The following MFSD1 variants were observed in gnomAD, a reference collection of about 807,000 sequenced individuals.
MFSD1 encodes lysosomal dipeptide transporter MFSD1.
A neutral mutation model predicts 67.1 loss-of-function variants in MFSD1; 59 were observed. The observed-to-expected ratio is 0.88, with a 90% CI of 0.71 to 1.09. The LOEUF is 1.09. MFSD1 is among the 50% of genes least tolerant of loss of function. MFSD1 has a pLI of 0.00. For synonymous variants in MFSD1, 213 were observed against 200.3 expected, an observed-to-expected ratio of 1.06 and a Z score of -0.54; for missense variants, 552 against 566.1, an observed-to-expected ratio of 0.97 and a Z score of 0.25.
chr3:158,826,587 T>C (rs1351025078), intron 14 of MFSD1, among the ~76,000 whole-genome samples: 1 of 151,894 alleles, frequency 6.6e-6, no homozygotes, highest in Non-Finnish European at 1.5e-5. Context: ...AAGAGTTTTA[T>C]ATATTTAGTA....
intron 15 of MFSD1, among the ~76,000 whole-genome samples, chr3:158,828,515 A>G (rs566342995): frequency 6.7e-4 from 102 of 152,214 alleles, no homozygotes; most frequent in Admixed American, 1.1e-3. Flanking sequence ...TAGAGTAGGG[A>G]AAATGGTTAA....
chr3:158,806,695 C>T (rs1292437380), intron 3 of MFSD1, among the ~76,000 whole-genome samples: 1 of 152,156 alleles, frequency 6.6e-6, no homozygotes, highest in Non-Finnish European at 1.5e-5. Context: ...GAAGAATTTA[C>T]ATTTTTAAGT....
chr3:158,820,173 A>G (rs1730599525), intron 8 of MFSD1, 42 bp from the exon 9 acceptor site: 3 of 1,077,388 alleles, frequency 2.8e-6, no homozygotes, highest in Non-Finnish European at 2.9e-6. Flanking sequence ...CTCCTTAGGT[A>G]TGCAAAATTA....
At chr3:158,825,002 G>T (rs1485115701) in intron 13 of MFSD1, among the ~76,000 whole-genome samples, 1 of 152,000 alleles carries the variant, frequency 6.6e-6, no homozygotes, top group Non-Finnish European at 1.5e-5. Flanking sequence ...TAAAAAAGTG[G>T]GTCATATAAG....
chr3:158,807,487 A>T, intron 5 of MFSD1, 24 bp downstream of exon 5: 1 of 1,530,302 alleles, frequency 6.5e-7, no homozygotes, highest in Non-Finnish European at 9.0e-7. Flanking sequence ...AATTTAATTT[A>T]TCCTAATGTA....
intron 7 of MFSD1, among the ~76,000 whole-genome samples, chr3:158,818,208 C>T (rs551166233): frequency 8.5e-5 from 13 of 152,162 alleles, no homozygotes; most frequent in African/African-American, 2.9e-4. Context: ...TCTTTTATTC[C>T]CTTTTTCCCT....
At chr3:158,821,939 G>A in intron 10 of MFSD1, 45 bp from the exon 11 acceptor site, 1 of 1,577,588 alleles carries the variant, frequency 6.3e-7, no homozygotes, top group Non-Finnish European at 8.7e-7. Flanking sequence ...ACTGATGTTT[G>A]ACTGTGTTGC....
intron 13 of MFSD1, chr3:158,825,270 C>CA (rs1389189190): frequency 6.6e-6 from 1 of 152,102 alleles, no homozygotes; most frequent in Non-Finnish European, 1.5e-5. Context: ...GTGATCCTCC[C>CA]ACCTCAGCCT....
intron 15 of MFSD1, among the ~76,000 whole-genome samples, chr3:158,827,918 GA>G (rs1731078170): frequency 2.5e-5 from 2 of 78,718 alleles, no homozygotes; most frequent in African/African-American, 1.5e-4. Context: ...GAGAGGGGGA[GA>G]GAGAGAGAGA....
Position 158,827,293 on chromosome 3 carries a change from T to C in MFSD1, c.1350T>C (p.Asn450=). ...TTTGTGTTTTAGGTGGGAACCTAAA[T>C]TATTCTGCAAGACAAAGGGAAGAAA... ...LVNRAQGGNL[N]YSARQREEIK... Residue 450 remains asparagine, a synonymous_variant, in exon 15 of 16, where the codon AAT becomes AAC. Transcript: ENST00000415822. 1.3e-6 allele frequency: 2 copies of C among 1,555,028 alleles called. No homozygotes were observed. The highest frequency in any genetic ancestry group is 4.1e-5 in the Admixed American group (2 of 48,210).
intron 7 of MFSD1, among the ~76,000 whole-genome samples, chr3:158,816,704 T>G (rs1730369418): frequency 2.6e-5 from 4 of 151,656 alleles, no homozygotes; most frequent in African/African-American, 9.7e-5. Context: ...CTTTTGGTGT[T>G]TTAGACATGA....
intron 6 of MFSD1, among the ~76,000 whole-genome samples, chr3:158,809,539 G>C (rs1416790699): frequency 6.6e-6 from 1 of 152,146 alleles, no homozygotes; most frequent in East Asian, 1.9e-4. Flanking sequence ...GAGAGATCCT[G>C]TAAGTTTTGT....
chr3:158,822,244 A>G (rs1487461225), intron 11 of MFSD1, 104 bp downstream of exon 11: 3 of 1,016,232 alleles, frequency 3.0e-6, no homozygotes, highest in Admixed American at 2.4e-5. Flanking sequence ...AAGGCCTATG[A>G]TAGTGGGGAG....
intron 10 of MFSD1, 37 bp downstream of exon 10, chr3:158,821,690 G>A (rs558710206): frequency 4.0e-6 from 6 of 1,489,262 alleles, no homozygotes; most frequent in Middle Eastern, 1.9e-4. Flanking sequence ...CCTATTGCAT[G>A]TGAAGTATGG....
intron 5 of MFSD1, among the ~76,000 whole-genome samples, 165 bp downstream of exon 5, chr3:158,807,628 A>C (rs1559915655): frequency 6.6e-6 from 1 of 152,232 alleles, no homozygotes; most frequent in Non-Finnish European, 1.5e-5. Context: ...TTTCCTTTAA[A>C]ATAAGCAACA....
At chr3:158,823,827 AG>A (rs1399296814) in intron 12 of MFSD1, among the ~76,000 whole-genome samples, 1 of 152,142 alleles carries the variant, frequency 6.6e-6, no homozygotes, top group Non-Finnish European at 1.5e-5. Context: ...AGAAAGGCAG[AG>A]GGGGGAAACC....
At chr3:158,828,918 G>A (rs1731147163) in intron 15 of MFSD1, 61 bp from the exon 16 acceptor site, 1 of 1,555,988 alleles carries the variant, frequency 6.4e-7, no homozygotes, top group Non-Finnish European at 8.7e-7. Context: ...CATTTTATAA[G>A]GCAGGTGAGC....
chr3:158,814,736 G>T (rs1364141301), intron 7 of MFSD1, among the ~76,000 whole-genome samples: 2 of 152,166 alleles, frequency 1.3e-5, no homozygotes, highest in Non-Finnish European at 2.9e-5. Flanking sequence ...GATTATATGT[G>T]TAAAAACTCT....
chr3:158,827,246 A>T, intron 14 of MFSD1, 34 bp from the exon 15 acceptor site: 1 of 1,358,840 alleles, frequency 7.4e-7, no homozygotes, highest in Non-Finnish European at 1.0e-6. Context: ...GATAATACTT[A>T]TATGGAAAAG....
Sources: allele counts gnomAD v4.1 joint callset (sites outside exome capture counted in the v4.1 genomes callset), GRCh38; gene constraint gnomAD v4.1.1; transcripts MANE v1.5; gene names NCBI Gene and HGNC (gene_info 2026-07-23, HGNC 2026-07-21).